Variants in KIF26B observed in about 807,000 individuals in gnomAD.
KIF26B encodes the protein kinesin family member 26B.
KIF26B carries 63 observed loss-of-function variants against 151.2 expected under a neutral mutation model. The ratio of observed to expected loss-of-function variants is 0.42; its 90% CI spans 0.34 to 0.51. The LOEUF (loss-of-function observed/expected upper bound fraction) is 0.51. KIF26B is among the 20% of genes least tolerant of loss of function. The probability of loss-of-function intolerance (pLI) is 0.07; values close to 1 mark genes in which losing one functional copy is unlikely to be tolerated. For missense variants in KIF26B, 2,813 were observed against 2,913.6 expected (o/e 0.97, Z 0.79); for synonymous variants, 1,357 against 1,262.1 (o/e 1.08, Z -1.59).
chr1:245,382,654 C>T (rs1673439331), intron 3 of KIF26B, among the ~76,000 whole-genome samples: 1 of 151,916 alleles, frequency 6.6e-6, no homozygotes, highest in Non-Finnish European at 1.5e-5. Flanking sequence ...TCACAATCTC[C>T]GCCTCCTGGG....
At chr1:245,690,972 C>T (rs759954056) in intron 12 of KIF26B, among the ~76,000 whole-genome samples, 1 of 152,208 alleles carries the variant, frequency 6.6e-6, no homozygotes, top group Non-Finnish European at 1.5e-5. Context: ...TTCCCAGTAC[C>T]TGGTTAATGA....
intron 4 of KIF26B, among the ~76,000 whole-genome samples, chr1:245,494,115 A>G (rs1321856983): frequency 6.6e-6 from 1 of 152,034 alleles, no homozygotes; most frequent in African/African-American, 2.4e-5. Flanking sequence ...ACCAGCCATC[A>G]CCAACATGGT....
intron 6 of KIF26B, among the ~76,000 whole-genome samples, chr1:245,605,852 C>T (rs566510743): frequency 2.0e-4 from 30 of 152,294 alleles, no homozygotes; most frequent in Non-Finnish European, 4.0e-4. Flanking sequence ...GGTCTCCTCT[C>T]GCCCCCGGCC....
chr1:245,355,223 C>A (rs1165417210), intron 2 of KIF26B, among the ~76,000 whole-genome samples: 1 of 152,164 alleles, frequency 6.6e-6, no homozygotes, highest in Non-Finnish European at 1.5e-5. Context: ...CTGCGCCCGG[C>A]CAGTGATTCT....
chr1:245,203,702 T>C (rs1669345685), intron 2 of KIF26B, among the ~76,000 whole-genome samples: 1 of 152,198 alleles, frequency 6.6e-6, no homozygotes. Flanking sequence ...TTCCTCTCCC[T>C]GCTCCCTGGA....
At chr1:245,559,482 A>G (rs922386308) in intron 5 of KIF26B, among the ~76,000 whole-genome samples, 4 of 151,920 alleles carry the variant, frequency 2.6e-5, no homozygotes, top group Non-Finnish European at 5.9e-5. Flanking sequence ...GTGCGATCTC[A>G]GCTCACTGCA....
At chr1:245,222,261 A>AC (rs1669788889) in intron 2 of KIF26B, among the ~76,000 whole-genome samples, 1 of 151,924 alleles carries the variant, frequency 6.6e-6, no homozygotes, top group African/African-American at 2.4e-5. Flanking sequence ...ACATGGTAAA[A>AC]CCCCGTCTCT....
At chr1:245,395,621 C>T (rs1572040635) in intron 3 of KIF26B, among the ~76,000 whole-genome samples, 1 of 152,158 alleles carries the variant, frequency 6.6e-6, no homozygotes, top group African/African-American at 2.4e-5. Flanking sequence ...CTGGCAGATG[C>T]TATGAAATCA....
intron 7 of KIF26B, among the ~76,000 whole-genome samples, chr1:245,608,498 G>T (rs991920590): frequency 6.6e-6 from 1 of 152,194 alleles, no homozygotes. Context: ...TGATCTTGAT[G>T]TAAGCAGTGA....
intron 10 of KIF26B, among the ~76,000 whole-genome samples, chr1:245,682,167 C>T (rs1008225600): frequency 6.6e-6 from 1 of 152,126 alleles, no homozygotes; most frequent in African/African-American, 2.4e-5. Context: ...ATCCCCTGAA[C>T]CTGGGAGGCG....
chr1:245,504,350 C>CCCTCCCTT (rs1660686054), intron 4 of KIF26B, among the ~76,000 whole-genome samples: 1 of 144,428 alleles, frequency 6.9e-6, no homozygotes, highest in South Asian at 2.4e-4. Flanking sequence ...TTCCCTCCCT[C>CCCTCCCTT]CCTCCCTTCC....
chr1:245,521,190 A>G (rs1661094792), intron 4 of KIF26B, among the ~76,000 whole-genome samples: 1 of 152,166 alleles, frequency 6.6e-6, no homozygotes, highest in African/African-American at 2.4e-5. Flanking sequence ...ACAAAAAATT[A>G]GCCAGGTGTG....
At chr1:245,548,868 C>T (rs12045603) in intron 5 of KIF26B, among the ~76,000 whole-genome samples, 55,208 of 151,708 alleles carry the variant, frequency 0.36, 10,264 homozygotes, top group Middle Eastern at 0.39. Flanking sequence ...CTCAGCCTCC[C>T]GAGTAGCTGA....
intron 2 of KIF26B, among the ~76,000 whole-genome samples, chr1:245,344,956 T>C (rs1672418070): frequency 6.6e-6 from 1 of 152,088 alleles, no homozygotes; most frequent in Non-Finnish European, 1.5e-5. Context: ...CCCCACCCGA[T>C]GCCTCCGCGT....
At chr1:245,681,213 C>CTT (rs71674433) in intron 10 of KIF26B, among the ~76,000 whole-genome samples, 46,346 of 141,036 alleles carry the variant, frequency 0.33, 8,219 homozygotes, top group Middle Eastern at 0.46. Flanking sequence ...GTTTTCTTTT[C>CTT]TTTTTTTTTT....
intron 10 of KIF26B, 55 bp from the exon 11 acceptor site, chr1:245,684,178 G>T: frequency 6.3e-7 from 1 of 1,577,568 alleles, no homozygotes; most frequent in East Asian, 2.3e-5. Flanking sequence ...GCCCTGCCCT[G>T]AGGGCCACAG....
chr1:245,593,337 A>G (rs1298686036), intron 5 of KIF26B, among the ~76,000 whole-genome samples: 1 of 151,976 alleles, frequency 6.6e-6, no homozygotes. Context: ...CCAGCCCCCA[A>G]CAGGCCCCGG....
At chr1:245,276,840 C>T (rs1023237146) in intron 2 of KIF26B, among the ~76,000 whole-genome samples, 7 of 152,142 alleles carry the variant, frequency 4.6e-5, no homozygotes, top group African/African-American at 1.2e-4. Flanking sequence ...GAGGGTCTTG[C>T]AGTTCCTATT....
At chr1:245,649,428 G>A (rs1364719457) in intron 10 of KIF26B, among the ~76,000 whole-genome samples, 5 of 152,312 alleles carry the variant, frequency 3.3e-5, no homozygotes, top group Middle Eastern at 3.4e-3. Context: ...GCGCACGGCA[G>A]GGGAGCCCAG....
Sources: allele counts gnomAD v4.1 joint callset (sites outside exome capture counted in the v4.1 genomes callset), GRCh38; gene constraint gnomAD v4.1.1; transcripts MANE v1.5; gene names NCBI Gene and HGNC (gene_info 2026-07-23, HGNC 2026-07-21).